Variants in LACTB2 observed in about 807,000 individuals in gnomAD.
The protein encoded by LACTB2 is lactamase beta 2.
In LACTB2, 32 loss-of-function variants were observed where a neutral mutation model predicts 34.8. The observed-to-expected ratio is 0.92, with a 90% CI of 0.69 to 1.24. LACTB2 has a LOEUF of 1.24. Ranked by LOEUF, LACTB2 falls within the 50% of genes most tolerant of loss-of-function variation. LACTB2 has a pLI of 0.00. For missense variants in LACTB2, 320 were observed against 345.0 expected (o/e 0.93, Z 0.57); for synonymous variants, 120 against 117.5 (o/e 1.02, Z -0.14).
intron 1 of LACTB2, chr8:70,663,128 A>C (rs1818500112): frequency 1.3e-5 from 2 of 152,320 alleles, no homozygotes; most frequent in South Asian, 4.1e-4. Flanking sequence ...GGATTACCTA[A>C]TATGTGCTAC....
chr8:70,668,447 T>A (rs1443872417), intron 1 of LACTB2, among the ~76,000 whole-genome samples: 1 of 152,196 alleles, frequency 6.6e-6, no homozygotes, highest in Non-Finnish European at 1.5e-5. Context: ...CACACACAAT[T>A]GTAACAAAAA....
chr8:70,649,733 A>C (rs1246265559), intron 3 of LACTB2, among the ~76,000 whole-genome samples: 1 of 152,140 alleles, frequency 6.6e-6, no homozygotes, highest in Non-Finnish European at 1.5e-5. Context: ...AAGATTTGTA[A>C]CTGTTACTGC....
intron 3 of LACTB2, among the ~76,000 whole-genome samples, chr8:70,656,279 T>C (rs1458763419): frequency 6.6e-6 from 1 of 152,236 alleles, no homozygotes; most frequent in Non-Finnish European, 1.5e-5. Flanking sequence ...TAGACGGGTT[T>C]TGCCAATGTT....
intron 1 of LACTB2, among the ~76,000 whole-genome samples, chr8:70,665,168 T>G (rs891674282): frequency 2.0e-5 from 3 of 152,258 alleles, no homozygotes; most frequent in Admixed American, 2.0e-4. Flanking sequence ...GCTAGTTGAC[T>G]TTGTTCTTCT....
At chr8:70,640,706 G>A (rs563200915) in intron 5 of LACTB2, 196 bp downstream of exon 5, 3 of 493,492 alleles carry the variant, frequency 6.1e-6, no homozygotes, top group African/African-American at 6.0e-5. Context: ...ATGATGGCTC[G>A]AAATGGCTAT....
intron 4 of LACTB2, among the ~76,000 whole-genome samples, chr8:70,643,352 A>C (rs1343663496): frequency 6.6e-6 from 1 of 151,052 alleles, no homozygotes; most frequent in Non-Finnish European, 1.5e-5. Flanking sequence ...CCTCCCGCGT[A>C]GCTGGGATTA....
In LACTB2 at chr8:70,649,301, C is replaced by T. The variant is rs79003244; in HGVS notation, c.414-5058G>A. ...CACCAGCATCAGGCCCGGAGGAAAA[C>T]AAGCCGACAGGAGCAAGTTATTAGC... On this transcript the variant is annotated intron_variant, in intron 3 of 6. Transcript: ENST00000276590. 7.7e-3 allele frequency among the ~76,000 whole-genome samples: 1,175 copies of T among 152,210 alleles called. 7 individuals carry two copies. Among genetic ancestry groups the T allele is most frequent in the Non-Finnish European group, 0.014 (952 of 68,018 alleles).
At chr8:70,653,080 C>T (rs956733445) in intron 3 of LACTB2, among the ~76,000 whole-genome samples, 2 of 152,130 alleles carry the variant, frequency 1.3e-5, no homozygotes, top group Admixed American at 6.6e-5. Flanking sequence ...GTGTCATGGG[C>T]GAATTATATA....
intron 2 of LACTB2, chr8:70,661,462 G>A (rs1298285364): frequency 1.5e-5 from 5 of 324,376 alleles, no homozygotes; most frequent in Non-Finnish European, 2.3e-5. Flanking sequence ...CTGGCACAGA[G>A]TAAATGCTCA....
intron 5 of LACTB2, among the ~76,000 whole-genome samples, chr8:70,639,625 A>G (rs1818170571): frequency 6.6e-6 from 1 of 152,188 alleles, no homozygotes. Context: ...ATTAGGTTAC[A>G]GGGTAATATC....
chr8:70,651,226 A>G (rs183944277), intron 3 of LACTB2, among the ~76,000 whole-genome samples: 1 of 152,332 alleles, frequency 6.6e-6, no homozygotes, highest in East Asian at 1.9e-4. Flanking sequence ...CCAATGTCTG[A>G]CATTAAGAAC....
chr8:70,668,244 G>T (rs1403947542), intron 1 of LACTB2, among the ~76,000 whole-genome samples: 1 of 152,166 alleles, frequency 6.6e-6, no homozygotes, highest in Non-Finnish European at 1.5e-5. Context: ...ATGCTCAAGA[G>T]AAACTACATT....
rs909803248 is a variant in LACTB2, at chr8:70,659,848, G to C, written c.286+1886C>G. On this transcript the variant is annotated intron_variant, in intron 2 of 6. Transcript: ENST00000276590. ...GAGGCTGGGGATGGGGGAAATCACT[G>C]CAAAGCAGCATGAGGGGACCTCTTT... Among the ~76,000 whole-genome samples the C allele has an allele frequency of 5.9e-5, 9 of 152,304 alleles. No individual in the cohort carries two copies. The East Asian group carries it at 1.5e-3, about 26-fold the overall frequency.
intron 5 of LACTB2, among the ~76,000 whole-genome samples, chr8:70,639,916 G>A (rs1000414536): frequency 3.3e-5 from 5 of 152,062 alleles, no homozygotes; most frequent in African/African-American, 9.7e-5. Flanking sequence ...GAGCCAAGAT[G>A]GCGCCACTGC....
Position 70,637,844 on chromosome 8 carries a change from T to TC in LACTB2, c.*15_*16insG. On this transcript the variant is annotated 3_prime_UTR_variant, in exon 7 of 7. Coordinates refer to ENST00000276590, the MANE Select transcript of LACTB2 (RefSeq NM_016027.3). ...CTCTGAAAGCAAAATAAAACAAAGCTTTCTTTAATCTGAAACTAAAGATGA... is the reference window on the plus strand; with the variant it reads ...CTCTGAAAGCAAAATAAAACAAAGCTCTTCTTTAATCTGAAACTAAAGATGA... 1.3e-6 allele frequency: 2 copies of TC among 1,515,918 alleles called. No homozygotes were observed. The highest frequency in any genetic ancestry group is 1.8e-6 in the Non-Finnish European group (2 of 1,119,578). The allele number at this position is 1,515,918 out of a possible 1,614,324, so 93.9% of individuals were successfully genotyped here.
At chr8:70,657,925 A>T in intron 2 of LACTB2, 43 bp from the exon 3 acceptor site, 1 of 1,381,946 alleles carries the variant, frequency 7.2e-7, no homozygotes, top group Non-Finnish European at 9.9e-7. Flanking sequence ...ACACTTTATA[A>T]TTAAGCCTTT....
chr8:70,652,136 A>G (rs1818350988), intron 3 of LACTB2, among the ~76,000 whole-genome samples: 1 of 151,934 alleles, frequency 6.6e-6, no homozygotes, highest in African/African-American at 2.4e-5. Flanking sequence ...ATTTTATGTT[A>G]TTTTTTTCAA....
Position 70,638,643 on chromosome 8 carries a change from G to T in LACTB2, c.742-14C>A, listed in dbSNP as rs747945693. 7.4e-7 allele frequency: 1 copy of T among 1,352,418 alleles called. No homozygotes were observed. The highest frequency in any genetic ancestry group is 1.7e-5 in the South Asian group (1 of 60,156). 83.8% of individuals were successfully genotyped at this position (1,352,418 alleles called of 1,614,324 possible). The stretch of plus-strand genomic sequence containing the variant: ...CTCAGGAGTATTCTAAAAGAAAAAT[G>T]AAGGTGAAAAAAATTCCTTTTTTTT... On this transcript the variant is annotated splice_polypyrimidine_tract_variant and intron_variant, in intron 5 of 6. Coordinates refer to ENST00000276590, the MANE Select transcript of LACTB2 (RefSeq NM_016027.3).
intron 1 of LACTB2, chr8:70,663,215 T>C (rs868694652): frequency 6.6e-6 from 1 of 152,332 alleles, no homozygotes. Context: ...GAACTGCATA[T>C]GACTGGAAAT....
Sources: allele counts gnomAD v4.1 joint callset (sites outside exome capture counted in the v4.1 genomes callset), GRCh38; gene constraint gnomAD v4.1.1; transcripts MANE v1.5; gene names NCBI Gene and HGNC (gene_info 2026-07-23, HGNC 2026-07-21).